The following FAM107A variants were observed in gnomAD, a reference collection of about 807,000 sequenced individuals.
The protein encoded by FAM107A is family with sequence similarity 107 member A.
Under a neutral mutation model 13.7 loss-of-function variants are expected in FAM107A, and 19 were observed. The ratio of observed to expected loss-of-function variants is 1.38; its 90% confidence interval spans 0.97 to 2.03. FAM107A has a LOEUF of 2.03. Among genes scored for constraint, FAM107A ranks in the 30% most tolerant of loss-of-function variants. The pLI is 0.00. For synonymous variants in FAM107A, 82 were observed against 74.5 expected, an observed-to-expected ratio of 1.10 and a Z score of -0.52; for missense variants, 203 against 184.4, an observed-to-expected ratio of 1.10 and a Z score of -0.58.
intron 1 of FAM107A, among the ~76,000 whole-genome samples, chr3:58,606,620 C>T (rs1018711870): frequency 1.3e-5 from 2 of 152,256 alleles, no homozygotes; most frequent in Non-Finnish European, 2.9e-5. Context: ...GGAGAGAAAC[C>T]TGTTTAAGTG....
At chr3:58,578,173 G>T, upstream of FAM107A, among the ~76,000 whole-genome samples, 1 of 152,212 alleles carries the variant, frequency 6.6e-6, no homozygotes, top group East Asian at 1.9e-4. Context: ...GAGAGACCTG[G>T]ACTCTACGTG....
chr3:58,595,491 C>G (rs1011397292), intron 1 of FAM107A, among the ~76,000 whole-genome samples: 5 of 152,134 alleles, frequency 3.3e-5, no homozygotes, highest in African/African-American at 1.2e-4. Flanking sequence ...ATGTATATTC[C>G]CTTGCCCTTA....
chr3:58,571,020 C>T (rs1232435840), intron 1 of FAM107A, among the ~76,000 whole-genome samples: 1 of 152,236 alleles, frequency 6.6e-6, no homozygotes, highest in Non-Finnish European at 1.5e-5. Flanking sequence ...TTTCCTCCCC[C>T]ACACTGGGAA....
At chr3:58,618,325 C>G (rs2065922587) in intron 1 of FAM107A, among the ~76,000 whole-genome samples, 1 of 152,238 alleles carries the variant, frequency 6.6e-6, no homozygotes. Context: ...CTCAGAGAAG[C>G]CAGTGATGCT....
intron 1 of FAM107A, among the ~76,000 whole-genome samples, chr3:58,616,523 G>A (rs1458227007): frequency 2.5e-5 from 3 of 119,870 alleles, no homozygotes; most frequent in African/African-American, 1.0e-4. Flanking sequence ...CTTATAAGAG[G>A]AGAACACACA....
At chr3:58,612,854 T>C (rs1347928685) in intron 1 of FAM107A, among the ~76,000 whole-genome samples, 1 of 152,136 alleles carries the variant, frequency 6.6e-6, no homozygotes, top group Non-Finnish European at 1.5e-5. Flanking sequence ...ACCGCCCCCT[T>C]GCCTGTTATC....
At chr3:58,623,853 A>G (rs1238716825) in intron 1 of FAM107A, among the ~76,000 whole-genome samples, 1 of 152,222 alleles carries the variant, frequency 6.6e-6, no homozygotes, top group African/African-American at 2.4e-5. Context: ...GCGGCAGTGC[A>G]TGCGAGCTGT....
chr3:58,570,501 A>G (rs767742265), intron 1 of FAM107A: 13 of 381,908 alleles, frequency 3.4e-5, no homozygotes, highest in Non-Finnish European at 4.3e-5. Context: ...GAAATCTGTC[A>G]GTTTACTTAA....
At chr3:58,597,297 G>T (rs2065715627) in intron 1 of FAM107A, among the ~76,000 whole-genome samples, 2 of 152,294 alleles carry the variant, frequency 1.3e-5, no homozygotes, top group South Asian at 4.1e-4. Flanking sequence ...ACTTTGTATT[G>T]TACTTTTGAC....
At chr3:58,584,320 A>G (rs2065580632) in intron 1 of FAM107A, among the ~76,000 whole-genome samples, 1 of 152,184 alleles carries the variant, frequency 6.6e-6, no homozygotes. Flanking sequence ...TGGAAAACAG[A>G]GGCCAATAAA....
chr3:58,582,115 C>A (rs1356727912), upstream of FAM107A, among the ~76,000 whole-genome samples: 1 of 152,222 alleles, frequency 6.6e-6, no homozygotes, highest in East Asian at 1.9e-4. Flanking sequence ...TGATTCCTGG[C>A]AGCATAGTTG....
intron 1 of FAM107A, among the ~76,000 whole-genome samples, chr3:58,594,230 A>G (rs971610613): frequency 1.2e-4 from 19 of 152,334 alleles, no homozygotes; most frequent in African/African-American, 4.3e-4. Context: ...TTGCTTAGGA[A>G]GACATTTGCC....
chr3:58,579,674 G>A (rs766202117), upstream of FAM107A, among the ~76,000 whole-genome samples: 1 of 152,200 alleles, frequency 6.6e-6, no homozygotes, highest in Non-Finnish European at 1.5e-5. Flanking sequence ...AACAGTTGGA[G>A]AGTAAGAAGG....
intron 1 of FAM107A, among the ~76,000 whole-genome samples, chr3:58,585,196 G>A (rs1468049695): frequency 6.6e-6 from 1 of 152,190 alleles, no homozygotes; most frequent in Admixed American, 6.5e-5. Context: ...AAGAGGTGAG[G>A]GGGAACACAA....
chr3:58,584,919 T>C (rs944563508), intron 1 of FAM107A, among the ~76,000 whole-genome samples: 5 of 152,240 alleles, frequency 3.3e-5, no homozygotes, highest in Admixed American at 2.6e-4. Flanking sequence ...TCATTTTCAA[T>C]ACATCTTTGC....
At chr3:58,592,697 A>G (rs1221840695) in intron 1 of FAM107A, among the ~76,000 whole-genome samples, 1 of 152,182 alleles carries the variant, frequency 6.6e-6, no homozygotes, top group African/African-American at 2.4e-5. Flanking sequence ...AGAACGGACT[A>G]ATGGTCTTTT....
At chr3:58,620,846 G>A (rs1237255078) in intron 1 of FAM107A, among the ~76,000 whole-genome samples, 1 of 152,204 alleles carries the variant, frequency 6.6e-6, no homozygotes, top group Non-Finnish European at 1.5e-5. Flanking sequence ...GCCCCATTAG[G>A]AGGCCTTGGA....
rs910324266 is a variant in FAM107A at position 58,604,617 on chromosome 3, C to G, written c.-69-15348G>C. Among the ~76,000 whole-genome samples the G allele has an allele frequency of 6.6e-6, 1 of 152,178 alleles. No homozygotes were observed. The highest frequency in any genetic ancestry group is 1.5e-5 in the Non-Finnish European group (1 of 68,046). ...GACCTCAGGATGTGTGGACTGAATG[C>G]ACTTTCCTTTATTAATCCTTGTGTT... On this transcript the variant is annotated intron_variant, in intron 1 of 3. Coordinates refer to the FAM107A transcript ENST00000465970. This position sits in a 1 kb window ranked among gnomAD's most constrained non-coding sequence, Gnocchi z 4.1.
rs541938652 is a variant in FAM107A, at chr3:58,618,166, C to A, written c.-70+9250G>T. On this transcript the variant is annotated intron_variant, in intron 1 of 3. Coordinates refer to the FAM107A transcript ENST00000465970. The stretch of plus-strand genomic sequence containing the variant: ...TGAGTGAGGCTCAAGGGGGGTAGGC[C>A]CAGGTTGGCTGTGTTGTGCAAGGTT... Among the ~76,000 whole-genome samples the A allele has an allele frequency of 2.0e-5, 3 of 152,276 alleles. No individual in the cohort carries two copies. In the East Asian group the frequency reaches 5.8e-4, roughly 29 times the overall value.
Sources: gnomAD v4.1 joint callset for allele counts (sites outside exome capture counted in the v4.1 genomes callset) on GRCh38, gnomAD v4.1.1 for gene constraint, Gnocchi (gnomAD v3.1) non-coding constraint, MANE v1.5 for transcripts, NCBI Gene and HGNC (gene_info 2026-07-23, HGNC 2026-07-21) for gene names.